HMG20A: variants seen among roughly 807,000 people sequenced by gnomAD.
HMG20A encodes high mobility group 20A, also known as high mobility group protein 20A.
HMG20A carries 17 observed loss-of-function variants against 43.9 expected under a neutral mutation model. The observed-to-expected ratio is 0.39, with a 90% CI of 0.27 to 0.58. The LOEUF (loss-of-function observed/expected upper bound fraction) is 0.58, where lower values mean the gene tolerates loss of function less well. Among genes scored for constraint, HMG20A ranks in the 20% least tolerant of loss-of-function variants. HMG20A has a pLI of 0.59. For synonymous variants in HMG20A, 132 were observed against 147.5 expected, an observed-to-expected ratio of 0.89 and a Z score of 0.76; for missense variants, 341 against 438.2, an observed-to-expected ratio of 0.78 and a Z score of 1.98.
the HMG20A span, among the ~76,000 whole-genome samples, chr15:77,502,727 A>C: frequency 2.0e-5 from 3 of 152,158 alleles, no homozygotes; most frequent in Non-Finnish European, 2.9e-5. Context: ...CAGCACTTCG[A>C]GAGGCCAAGG....
intron 1 of HMG20A, among the ~76,000 whole-genome samples, chr15:77,423,252 T>C (rs1220125429): frequency 6.6e-6 from 1 of 152,140 alleles, no homozygotes; most frequent in Non-Finnish European, 1.5e-5. Flanking sequence ...GTGGCAGTTA[T>C]TCATTGGTTC....
the HMG20A span, among the ~76,000 whole-genome samples, chr15:77,501,046 A>G: frequency 6.6e-6 from 1 of 152,122 alleles, no homozygotes; most frequent in Non-Finnish European, 1.5e-5. Context: ...TGCCAGCACC[A>G]CTTGTTACGT....
chr15:77,495,760 A>G, the HMG20A span, among the ~76,000 whole-genome samples: 1 of 152,140 alleles, frequency 6.6e-6, no homozygotes, highest in African/African-American at 2.4e-5. Flanking sequence ...CATGAAAGAG[A>G]AGTGTCATCC....
chr15:77,477,258 C>T (rs2072864701), intron 6 of HMG20A, among the ~76,000 whole-genome samples: 1 of 152,200 alleles, frequency 6.6e-6, no homozygotes, highest in African/African-American at 2.4e-5. Flanking sequence ...CTATTCAAAA[C>T]ACAAGGCTAA....
chr15:77,454,660 G>A (rs1208775212), intron 1 of HMG20A, among the ~76,000 whole-genome samples: 1 of 152,112 alleles, frequency 6.6e-6, no homozygotes, highest in African/African-American at 2.4e-5. Context: ...ACTCAGAGTT[G>A]ATCTACTTCT....
chr15:77,422,344 C>A (rs1428714571), intron 1 of HMG20A, among the ~76,000 whole-genome samples: 2 of 152,150 alleles, frequency 1.3e-5, no homozygotes, highest in Non-Finnish European at 2.9e-5. Context: ...TTTTAAAAAG[C>A]TGTTTGGTCA....
chr15:77,433,676 A>T (rs906134128), intron 1 of HMG20A, among the ~76,000 whole-genome samples: 1 of 152,046 alleles, frequency 6.6e-6, no homozygotes, highest in Non-Finnish European at 1.5e-5. Flanking sequence ...TTAAAATGCC[A>T]TTTACAATAG....
At chr15:77,507,439 A>G in the HMG20A span, among the ~76,000 whole-genome samples, 3 of 152,338 alleles carry the variant, frequency 2.0e-5, no homozygotes, top group South Asian at 6.2e-4. Flanking sequence ...AGGTTGGAGA[A>G]TATCTTAGCT....
chr15:77,460,285 C>G (rs1264309925), intron 2 of HMG20A, among the ~76,000 whole-genome samples: 1 of 151,902 alleles, frequency 6.6e-6, no homozygotes, highest in Non-Finnish European at 1.5e-5. Flanking sequence ...GAAGGTATAC[C>G]AAACAGAATT....
At chr15:77,505,450 A>G in the HMG20A span, among the ~76,000 whole-genome samples, 1 of 151,768 alleles carries the variant, frequency 6.6e-6, no homozygotes, top group East Asian at 1.9e-4. Flanking sequence ...GTGTAGGGAC[A>G]GCATGCTGAG....
the HMG20A span, among the ~76,000 whole-genome samples, chr15:77,503,840 G>GTTAGAAATGT: frequency 1.5e-4 from 23 of 152,286 alleles, no homozygotes; most frequent in Non-Finnish European, 2.8e-4. Flanking sequence ...AAGCTCGCCT[G>GTTAGAAATGT]TGATATGTAT....
intron 1 of HMG20A, among the ~76,000 whole-genome samples, chr15:77,455,594 A>G (rs1266992822): frequency 6.6e-6 from 1 of 152,150 alleles, no homozygotes; most frequent in African/African-American, 2.4e-5. Flanking sequence ...TAACATCTGC[A>G]TGATAGACCT....
intron 1 of HMG20A, among the ~76,000 whole-genome samples, chr15:77,457,840 A>G (rs2072668730): frequency 6.6e-6 from 1 of 152,194 alleles, no homozygotes. Flanking sequence ...TCAGTTTGCC[A>G]TCATTTAATC....
At chr15:77,488,946 T>C (rs2072958813), downstream of HMG20A, among the ~76,000 whole-genome samples, 1 of 152,204 alleles carries the variant, frequency 6.6e-6, no homozygotes, top group Non-Finnish European at 1.5e-5. Flanking sequence ...ACCTCTGAAA[T>C]TGGACAACAC....
the HMG20A span, among the ~76,000 whole-genome samples, chr15:77,491,640 G>A: frequency 1.3e-5 from 2 of 152,232 alleles, no homozygotes; most frequent in East Asian, 1.9e-4. Context: ...ATGATCAAAC[G>A]GCTGTGAGCG....
intron 1 of HMG20A, among the ~76,000 whole-genome samples, chr15:77,439,325 A>G (rs1275413029): frequency 1.3e-5 from 2 of 152,176 alleles, no homozygotes; most frequent in South Asian, 2.1e-4. Flanking sequence ...ACAAAAATCA[A>G]TGAATTTTTA....
chr15:77,480,610 T>G (rs1200510739), intron 9 of HMG20A, among the ~76,000 whole-genome samples: 1 of 117,588 alleles, frequency 8.5e-6, no homozygotes, highest in African/African-American at 3.3e-5. Context: ...AGATTCTGTC[T>G]CAAAAAAAAA....
intron 3 of HMG20A, 95 bp downstream of exon 3, chr15:77,464,482 T>C (rs2072736710): frequency 1.6e-6 from 2 of 1,278,826 alleles, no homozygotes; most frequent in Non-Finnish European, 2.2e-6. Context: ...CATATGACCT[T>C]CTTATATTCT....
intron 3 of HMG20A, chr15:77,464,617 C>G (rs974886596): frequency 2.7e-6 from 1 of 368,794 alleles, no homozygotes; most frequent in African/African-American, 2.1e-5. Context: ...ATACTTACCT[C>G]ATATTAGATG....
Sources: gnomAD v4.1 joint callset for allele counts (sites outside exome capture counted in the v4.1 genomes callset) on GRCh38, gnomAD v4.1.1 for gene constraint, MANE v1.5 for transcripts, NCBI Gene and HGNC (gene_info 2026-07-23, HGNC 2026-07-21) for gene names.